Variants in IL1RAPL2 observed in about 807,000 individuals in gnomAD.
IL1RAPL2 encodes interleukin 1 receptor accessory protein like 2.
In IL1RAPL2, 3 loss-of-function variants were observed where a neutral mutation model predicts 44.1. The observed-to-expected ratio is 0.07, with a 90% CI of 0.03 to 0.18. IL1RAPL2 has a LOEUF of 0.18. IL1RAPL2 is among the 10% of genes least tolerant of loss of function. The pLI, the probability that IL1RAPL2 is intolerant of heterozygous loss-of-function variation, is 1.00. For synonymous variants in IL1RAPL2, 181 were observed against 178.8 expected, an observed-to-expected ratio of 1.01 and a Z score of -0.10; for missense variants, 391 against 496.4, an observed-to-expected ratio of 0.79 and a Z score of 2.02.
At chrX:104,730,814 G>T (rs1931899293) in intron 2 of IL1RAPL2, among the ~76,000 whole-genome samples, 1 of 110,211 alleles carries the variant, frequency 9.1e-6, no homozygotes, top group Admixed American at 9.6e-5. Flanking sequence ...TTCCACAATG[G>T]TTGAACTAGT....
intron 4 of IL1RAPL2, among the ~76,000 whole-genome samples, chrX:105,234,988 C>T (rs2034107865): frequency 9.1e-6 from 1 of 110,247 alleles, no homozygotes; most frequent in Non-Finnish European, 1.9e-5. Context: ...AGAGATACAG[C>T]CTTAAAGGAA....
intron 1 of IL1RAPL2, among the ~76,000 whole-genome samples, chrX:104,607,853 A>G (rs981397473): frequency 1.8e-5 from 2 of 112,084 alleles, no homozygotes; most frequent in Non-Finnish European, 3.8e-5. Flanking sequence ...TAGAAATACC[A>G]TTTGACCCAG....
Position 105,317,622 on chromosome X carries a change from G to A in IL1RAPL2, c.697+50081G>A, listed in dbSNP as rs138422205. 8.1e-3 allele frequency among the ~76,000 whole-genome samples: 909 copies of A among 111,671 alleles called. 13 individuals carry two copies. Among genetic ancestry groups the A allele is most frequent in the Middle Eastern group, 0.032 (7 of 216 alleles). ...TGATAGATATGAACCAGGTTAAGAA[G>A]CTCCTTTTTTAGACCCTTATTTAAG... On this transcript the variant is annotated intron_variant, in intron 5 of 10. Transcript: ENST00000372582.
chrX:105,350,692 C>A (rs779281383), intron 5 of IL1RAPL2, among the ~76,000 whole-genome samples: 5 of 112,064 alleles, frequency 4.5e-5, no homozygotes, highest in African/African-American at 1.6e-4. Flanking sequence ...CCCTCGCACT[C>A]CAGCCTGGGC....
In IL1RAPL2 at chrX:105,177,237, T is replaced by C. The variant is rs150245982; in HGVS notation, c.83-18238T>C. ...GATTCTCATAGGAGCACAAACCCTG[T>C]TGTGAACTGTGCATGCCAGGGATCT... is the stretch of plus-strand genomic sequence containing the variant. On this transcript the variant is annotated intron_variant, in intron 2 of 10. Transcript: ENST00000372582. Among the ~76,000 whole-genome samples the C allele has an allele frequency of 9.1e-4, 100 of 110,178 alleles. No individual in the cohort carries two copies. In the East Asian group the frequency reaches 0.021, roughly 23 times the overall value.
At chrX:105,627,774 G>T (rs1447086980) in intron 6 of IL1RAPL2, among the ~76,000 whole-genome samples, 1 of 111,537 alleles carries the variant, frequency 9.0e-6, no homozygotes, top group Non-Finnish European at 1.9e-5. Context: ...TGTGACTTGG[G>T]TGTGAATAGG....
rs1435563788 is a variant in IL1RAPL2, at chrX:104,631,379, A to G, written c.-19-27516A>G. On this transcript the variant is annotated intron_variant, in intron 1 of 10. Coordinates refer to ENST00000372582, the MANE Select transcript of IL1RAPL2 (RefSeq NM_017416.2). ...AGTAATGGGATGGCTGGGTCAAATGATATTTCTAGTTCTAGATACCTGAGG... is the reference window on the plus strand; with the variant it reads ...AGTAATGGGATGGCTGGGTCAAATGGTATTTCTAGTTCTAGATACCTGAGG... Among the ~76,000 whole-genome samples, 74 of 111,794 alleles carry G rather than the reference A, an allele frequency of 6.6e-4. 1 individual carries two copies. Among genetic ancestry groups the G allele is most frequent in the Non-Finnish European group, 1.1e-3 (58 of 53,126 alleles).
intron 5 of IL1RAPL2, among the ~76,000 whole-genome samples, chrX:105,284,442 G>A (rs760865466): frequency 8.9e-6 from 1 of 111,869 alleles, no homozygotes; most frequent in Non-Finnish European, 1.9e-5. Context: ...TGCACAGCCT[G>A]CTGTTGGGAT....
chrX:105,021,298 TGGG>T (rs1197595946), intron 2 of IL1RAPL2, among the ~76,000 whole-genome samples: 32 of 111,381 alleles, frequency 2.9e-4, no homozygotes, highest in African/African-American at 9.1e-4. Flanking sequence ...AAGGGCTGTG[TGGG>T]TCAGGGAAAA....
intron 6 of IL1RAPL2, among the ~76,000 whole-genome samples, chrX:105,557,785 T>C (rs2036906801): frequency 9.0e-6 from 1 of 111,358 alleles, no homozygotes; most frequent in South Asian, 3.7e-4. Context: ...TGGCAATTCA[T>C]ATAATTTTGA....
intron 5 of IL1RAPL2, among the ~76,000 whole-genome samples, chrX:105,456,269 C>T (rs1310986459): frequency 5.4e-5 from 6 of 111,914 alleles, no homozygotes; most frequent in Non-Finnish European, 9.4e-5. Context: ...TCTGCAAACA[C>T]GGATAGTTTG....
chrX:105,358,064 A>G (rs1452046925), intron 5 of IL1RAPL2, among the ~76,000 whole-genome samples: 1 of 105,184 alleles, frequency 9.5e-6, no homozygotes, highest in Non-Finnish European at 1.9e-5. Context: ...AAAAAAAAAA[A>G]AAGTTTGCTG....
chrX:105,241,437 A>C (rs1556208213), intron 4 of IL1RAPL2, among the ~76,000 whole-genome samples: 1 of 111,829 alleles, frequency 8.9e-6, no homozygotes, highest in Non-Finnish European at 1.9e-5. Context: ...AAGGCAAACA[A>C]AAATCTTTCA....
At chrX:105,272,005 C>T (rs2034449993) in intron 5 of IL1RAPL2, among the ~76,000 whole-genome samples, 1 of 109,445 alleles carries the variant, frequency 9.1e-6, no homozygotes, top group African/African-American at 3.3e-5. Context: ...AATTGGAAAT[C>T]ATCATTCTCA....
chrX:105,447,508 TATATAA>T (rs1238023505), intron 5 of IL1RAPL2, among the ~76,000 whole-genome samples: 9 of 75,497 alleles, frequency 1.2e-4, no homozygotes, highest in Non-Finnish European at 1.5e-4. Context: ...AATATATATT[TATATAA>T]ATATAAATAT....
At chrX:105,717,081 C>T (rs773674340) in intron 6 of IL1RAPL2, among the ~76,000 whole-genome samples, 2 of 111,845 alleles carry the variant, frequency 1.8e-5, no homozygotes, top group East Asian at 5.7e-4. Context: ...GGTTGTGCCA[C>T]TGCACTCCAG....
At chrX:105,180,405 T>C (rs1556130132) in intron 2 of IL1RAPL2, among the ~76,000 whole-genome samples, 1 of 111,434 alleles carries the variant, frequency 9.0e-6, no homozygotes, top group African/African-American at 3.3e-5. Flanking sequence ...CCTTGTCTTG[T>C]TCCAGATTTT....
chrX:105,355,476 C>T (rs73519398), intron 5 of IL1RAPL2, among the ~76,000 whole-genome samples: 14,399 of 110,670 alleles, frequency 0.13, 2,296 homozygotes, highest in African/African-American at 0.45. Context: ...AGTTTGGGTG[C>T]GCCGTAGCAG....
intron 2 of IL1RAPL2, among the ~76,000 whole-genome samples, chrX:104,740,976 A>C (rs1272389424): frequency 9.0e-6 from 1 of 111,125 alleles, no homozygotes; most frequent in Non-Finnish European, 1.9e-5. Flanking sequence ...TTAAGAAATC[A>C]CTTCTATTGT....
Sources: gnomAD v4.1 joint callset for allele counts (sites outside exome capture counted in the v4.1 genomes callset) on GRCh38, gnomAD v4.1.1 for gene constraint, MANE v1.5 for transcripts, NCBI Gene and HGNC (gene_info 2026-07-23, HGNC 2026-07-21) for gene names.